SLC14A2: variants seen among roughly 807,000 people sequenced by gnomAD.
SLC14A2 encodes solute carrier family 14 member 2, also known as urea transporter 2.
A neutral mutation model predicts 104.6 loss-of-function variants in SLC14A2; 91 were observed. The ratio of observed to expected loss-of-function variants is 0.87; its 90% CI spans 0.73 to 1.04. The LOEUF is 1.04. Among genes scored for constraint, SLC14A2 ranks in the 50% least tolerant of loss-of-function variants. The pLI, the probability that SLC14A2 is intolerant of heterozygous loss-of-function variation, is 0.00. For missense variants in SLC14A2, 1,189 were observed against 1,156.0 expected (o/e 1.03, Z -0.41); for synonymous variants, 476 against 466.4 (o/e 1.02, Z -0.27).
chr18:45,522,031 C>T (rs986422283), intron 2 of SLC14A2, among the ~76,000 whole-genome samples: 1 of 152,184 alleles, frequency 6.6e-6, no homozygotes, highest in African/African-American at 2.4e-5. Flanking sequence ...ATGTTCTAAT[C>T]CTGCCTGGAC....
At chr18:45,546,989 C>A (rs1457341992) in intron 2 of SLC14A2, among the ~76,000 whole-genome samples, 2 of 152,104 alleles carry the variant, frequency 1.3e-5, no homozygotes, top group Non-Finnish European at 2.9e-5. Context: ...CTTCTCAACC[C>A]AGGGACTAAT....
intron 2 of SLC14A2, among the ~76,000 whole-genome samples, chr18:45,597,951 C>T (rs1459163107): frequency 6.6e-6 from 1 of 152,128 alleles, no homozygotes; most frequent in East Asian, 1.9e-4. Context: ...AAGTGACAGT[C>T]CCTTGTACTG....
chr18:45,604,647 T>C (rs1473292415), intron 2 of SLC14A2, among the ~76,000 whole-genome samples: 1 of 152,204 alleles, frequency 6.6e-6, no homozygotes, highest in Non-Finnish European at 1.5e-5. Flanking sequence ...ACTGTGCAAT[T>C]CCATTAGAAA....
At chr18:45,241,006 G>A (rs1192143334) in intron 1 of SLC14A2, among the ~76,000 whole-genome samples, 2 of 152,156 alleles carry the variant, frequency 1.3e-5, no homozygotes, top group African/African-American at 4.8e-5. Context: ...AGGGAACCTG[G>A]CTCTAGAGAC....
chr18:45,390,908 C>T (rs919324119), intron 1 of SLC14A2, among the ~76,000 whole-genome samples: 4 of 152,178 alleles, frequency 2.6e-5, no homozygotes, highest in Non-Finnish European at 5.9e-5. Flanking sequence ...ACATCATTTT[C>T]ACTGTAAGTA....
chr18:45,290,691 G>A (rs146998373), intron 1 of SLC14A2, among the ~76,000 whole-genome samples: 2 of 152,254 alleles, frequency 1.3e-5, no homozygotes, highest in African/African-American at 2.4e-5. Flanking sequence ...AAACTATCTC[G>A]CTAATGATTT....
chr18:45,586,843 G>T (rs1356818364), intron 2 of SLC14A2, among the ~76,000 whole-genome samples: 1 of 152,120 alleles, frequency 6.6e-6, no homozygotes, highest in Non-Finnish European at 1.5e-5. Flanking sequence ...ATCAGAGGGG[G>T]AGTCTTGGGG....
intron 1 of SLC14A2, among the ~76,000 whole-genome samples, chr18:45,403,636 T>TAG (rs1215144004): frequency 6.6e-6 from 1 of 152,142 alleles, no homozygotes; most frequent in Non-Finnish European, 1.5e-5. Context: ...CTCCATGGCC[T>TAG]AGTTCATGGT....
chr18:45,355,577 CAA>C (rs768389823), intron 1 of SLC14A2, among the ~76,000 whole-genome samples: 13 of 51,112 alleles, frequency 2.5e-4, no homozygotes, highest in South Asian at 1.1e-3. Flanking sequence ...TACTCTGTCT[CAA>C]AAAAAAAAAA....
chr18:45,199,000 G>GT, the SLC14A2 span, among the ~76,000 whole-genome samples: 1 of 152,106 alleles, frequency 6.6e-6, no homozygotes, highest in East Asian at 1.9e-4. Flanking sequence ...CCCTACAGTA[G>GT]TTTTTGCAGT....
At chr18:45,182,826 T>G in the SLC14A2 span, among the ~76,000 whole-genome samples, 1 of 152,180 alleles carries the variant, frequency 6.6e-6, no homozygotes, top group Non-Finnish European at 1.5e-5. Context: ...ATAGGAAAAT[T>G]CATATAAATA....
intron 1 of SLC14A2, among the ~76,000 whole-genome samples, chr18:45,214,893 G>T (rs269958): frequency 0.97 from 141,083 of 144,850 alleles, 68,817 homozygotes; most frequent in East Asian, 1. Flanking sequence ...CAGGGTTTTA[G>T]TATCTATCGG....
chr18:45,252,207 C>A (rs1358022455), intron 1 of SLC14A2, among the ~76,000 whole-genome samples: 3 of 152,132 alleles, frequency 2.0e-5, no homozygotes, highest in Non-Finnish European at 2.9e-5. Context: ...TTATTTTCTT[C>A]ATGAAAAAGC....
intron 2 of SLC14A2, among the ~76,000 whole-genome samples, chr18:45,499,871 A>C (rs2043163873): frequency 6.6e-6 from 1 of 152,216 alleles, no homozygotes; most frequent in East Asian, 1.9e-4. Context: ...TTTGCAACTC[A>C]GCAAGACCAG....
intron 1 of SLC14A2, among the ~76,000 whole-genome samples, chr18:45,297,897 G>A (rs2084932297): frequency 6.6e-6 from 1 of 152,178 alleles, no homozygotes; most frequent in African/African-American, 2.4e-5. Flanking sequence ...CTGAAGGAGA[G>A]ACTTTACAAT....
chr18:45,409,239 G>C (rs189189665), intron 1 of SLC14A2, among the ~76,000 whole-genome samples: 1 of 152,306 alleles, frequency 6.6e-6, no homozygotes, highest in East Asian at 1.9e-4. Context: ...GCAAGGAGCT[G>C]TTATGAGTAC....
At chr18:45,217,771 T>C (rs77862575) in intron 1 of SLC14A2, among the ~76,000 whole-genome samples, 3,206 of 152,320 alleles carry the variant, frequency 0.021, 45 homozygotes, top group Non-Finnish European at 0.034. Flanking sequence ...CTTCTATATA[T>C]TCAAAAGTTA....
intron 11 of SLC14A2, 131 bp downstream of exon 11, chr18:45,664,038 G>C: frequency 1.1e-6 from 1 of 941,118 alleles, no homozygotes. Flanking sequence ...TCTCACACCT[G>C]ACGTCTGACC....
intron 1 of SLC14A2, among the ~76,000 whole-genome samples, chr18:45,371,548 T>A (rs558265051): frequency 6.6e-6 from 1 of 152,360 alleles, no homozygotes; most frequent in Non-Finnish European, 1.5e-5. Flanking sequence ...ACTTAGCTAG[T>A]TAAGTCTAAG....
Sources: allele counts gnomAD v4.1 joint callset (sites outside exome capture counted in the v4.1 genomes callset), GRCh38; gene constraint gnomAD v4.1.1; transcripts MANE v1.5; gene names NCBI Gene and HGNC (gene_info 2026-07-23, HGNC 2026-07-21).